Variants in PLXNC1 observed in about 807,000 individuals in gnomAD.
PLXNC1 encodes the protein plexin-C1.
PLXNC1 carries 75 observed loss-of-function variants against 178.2 expected under a neutral mutation model. The ratio of observed to expected loss-of-function variants is 0.42; its 90% CI spans 0.35 to 0.51. The LOEUF is 0.51. Among genes scored for constraint, PLXNC1 ranks in the 20% least tolerant of loss-of-function variants. The pLI, the probability that PLXNC1 is intolerant of heterozygous loss-of-function variation, is 0.02. For synonymous variants in PLXNC1, 790 were observed against 779.9 expected, an observed-to-expected ratio of 1.01 and a Z score of -0.22; for missense variants, 1,503 against 1,984.4, an observed-to-expected ratio of 0.76 and a Z score of 4.61.
chr12:94,229,607 T>C (rs1387173211), intron 9 of PLXNC1, among the ~76,000 whole-genome samples: 1 of 152,242 alleles, frequency 6.6e-6, no homozygotes, highest in Non-Finnish European at 1.5e-5. Flanking sequence ...CTTCATTCTT[T>C]TGCATGTGGA....
intron 17 of PLXNC1, among the ~76,000 whole-genome samples, chr12:94,258,779 GAC>G (rs1230962729): frequency 2.0e-5 from 3 of 152,218 alleles, no homozygotes; most frequent in African/African-American, 7.2e-5. Context: ...AGGCAAGTCA[GAC>G]ACAGAGAGGT....
Position 94,305,474 on chromosome 12 carries a change from T to TAC in PLXNC1, c.*190_*191dup. 1 of 544,312 alleles carries TAC rather than the reference T, an allele frequency of 1.8e-6. No homozygotes were observed. Among genetic ancestry groups the TAC allele is most frequent in the Admixed American group, 3.3e-5 (1 of 30,356 alleles). 33.7% of individuals were successfully genotyped at this position (544,312 alleles called of 1,614,324 possible). A position where few individuals can be genotyped will look rare whatever the true frequency, so the allele number is the denominator to read the frequency against. ...ATACCAACCCTTGTGCCTGTGTGTATACCGTGGGAACCCTTCTGTAAATAG... is the reference window on the plus strand; with the variant it reads ...ATACCAACCCTTGTGCCTGTGTGTATACACCGTGGGAACCCTTCTGTAAATAG... On this transcript the variant is annotated 3_prime_UTR_variant, in exon 31 of 31. Transcript: ENST00000258526.
intron 21 of PLXNC1, among the ~76,000 whole-genome samples, chr12:94,271,665 A>G (rs1001895108): frequency 1.3e-5 from 2 of 152,162 alleles, no homozygotes; most frequent in African/African-American, 4.8e-5. Flanking sequence ...GCCCTCGCAT[A>G]TTTGTGGTGA....
chr12:94,247,903 G>T lies in PLXNC1; in HGVS notation c.2389G>T (p.Val797Phe). 3 of 1,613,590 alleles carry T rather than the reference G, an allele frequency of 1.9e-6. No homozygotes were observed. Among genetic ancestry groups the T allele is most frequent in the Non-Finnish European group, 2.5e-6 (3 of 1,179,732 alleles). Residue 797 changes from valine to phenylalanine, a missense_variant and splice_region_variant, in exon 13 of 31, where the codon GTC becomes TTC. Val to Phe is a conservative substitution (Grantham distance 50). This residue lies in a region of PLXNC1 where 639 missense variants were observed against 979.7 expected (regional missense o/e 0.65). Transcript: ENST00000258526. Reference protein sequence around the residue: ...ISHELKGNINVSEYCVATYCG... With the variant: ...ISHELKGNINFSEYCVATYCG... Reference sequence around the variant, plus strand: ...AAAACATTCTTTTCTTTTTGTCCAGGTCTCTGAATATTGTGTGGCGACTTA... The same window carrying T: ...AAAACATTCTTTTCTTTTTGTCCAGTTCTCTGAATATTGTGTGGCGACTTA...
intron 27 of PLXNC1, 51 bp downstream of exon 27, chr12:94,298,846 T>TTAAC (rs1968186473): frequency 6.6e-7 from 1 of 1,524,484 alleles, no homozygotes. Flanking sequence ...GGACAGAATA[T>TTAAC]TAACTAAAAG....
chr12:94,272,805 G>A (rs1486523387), intron 21 of PLXNC1, among the ~76,000 whole-genome samples: 1 of 152,232 alleles, frequency 6.6e-6, no homozygotes. Context: ...TGGCACCGGA[G>A]GCACAGGGTG....
intron 21 of PLXNC1, among the ~76,000 whole-genome samples, chr12:94,276,276 C>T (rs927260856): frequency 9.9e-5 from 15 of 152,152 alleles, no homozygotes; most frequent in Non-Finnish European, 1.3e-4. Context: ...TGCAATTACC[C>T]GCCACCATGA....
chr12:94,224,085 T>A (rs1223153781), intron 6 of PLXNC1, 143 bp from the exon 7 acceptor site: 3 of 655,278 alleles, frequency 4.6e-6, no homozygotes, highest in Non-Finnish European at 5.6e-6. Flanking sequence ...AACCACATAC[T>A]GATTGAAATG....
intron 11 of PLXNC1, 143 bp downstream of exon 11, chr12:94,240,807 A>C (rs1964367056): frequency 4.5e-6 from 3 of 668,006 alleles, no homozygotes; most frequent in Non-Finnish European, 7.7e-6. Flanking sequence ...TACTCCTAGA[A>C]AAATGCATAC....
chr12:94,180,833 T>C (rs1025773553), intron 2 of PLXNC1, among the ~76,000 whole-genome samples: 1 of 152,222 alleles, frequency 6.6e-6, no homozygotes, highest in Non-Finnish European at 1.5e-5. Context: ...TGGCTTCCTA[T>C]AGGGCCAGAC....
chr12:94,203,014 T>C (rs1434254081), intron 4 of PLXNC1, among the ~76,000 whole-genome samples: 1 of 151,830 alleles, frequency 6.6e-6, no homozygotes, highest in Non-Finnish European at 1.5e-5. Context: ...GATGTGGAGG[T>C]TGATGAGAGG....
At chr12:94,153,060 G>A (rs1961017994) in intron 1 of PLXNC1, among the ~76,000 whole-genome samples, 1 of 152,202 alleles carries the variant, frequency 6.6e-6, no homozygotes, top group African/African-American at 2.4e-5. Context: ...TATTTGTACA[G>A]CACTTCCACA....
At position 94,282,351 on chromosome 12, in the gene PLXNC1, G is replaced by A. The variant is rs895914400; in HGVS notation, c.3829G>A (p.Val1277Met). Residue 1277 changes from valine to methionine, a missense_variant, in exon 23 of 31, where the codon GTG becomes ATG. Around this residue, in one of 4 missense-constraint regions of PLXNC1, gnomAD observed 639 missense variants for 979.7 expected, o/e 0.65. Coordinates refer to ENST00000258526, the MANE Select transcript of PLXNC1 (RefSeq NM_005761.3). Reference protein sequence around the residue: ...KELLDIDSSSVILEDGITKLN... With the variant: ...KELLDIDSSSMILEDGITKLN... ...ACTTCTGGACATCGACAGTTCCTCC[G>A]TGATTCTTGAAGATGGAATCACCAA... is the stretch of plus-strand genomic sequence containing the variant. The A allele has an allele frequency of 5.6e-6, 9 of 1,613,882 alleles. No homozygotes were observed. Among genetic ancestry groups the A allele is most frequent in the African/African-American group, 4.0e-5 (3 of 74,910 alleles).
intron 9 of PLXNC1, among the ~76,000 whole-genome samples, chr12:94,234,078 G>A (rs1036658614): frequency 6.6e-6 from 1 of 152,114 alleles, no homozygotes; most frequent in East Asian, 1.9e-4. Flanking sequence ...GTGAAAATCC[G>A]AGAGATGTTT....
chr12:94,169,758 G>C (rs1029585522), intron 2 of PLXNC1, among the ~76,000 whole-genome samples: 11 of 152,222 alleles, frequency 7.2e-5, no homozygotes, highest in African/African-American at 2.7e-4. Flanking sequence ...ACCACCCACA[G>C]AGGGGGTTTG....
chr12:94,197,437 T>TCTCTCTC (rs1555198027), intron 4 of PLXNC1, among the ~76,000 whole-genome samples: 53,229 of 148,378 alleles, frequency 0.36, 10,382 homozygotes, highest in East Asian at 0.52. Flanking sequence ...TTAGGCCCCT[T>TCTCTCTC]TCTCTCTCTC....
chr12:94,203,925 T>C (rs752115781), intron 4 of PLXNC1, among the ~76,000 whole-genome samples: 12 of 152,218 alleles, frequency 7.9e-5, no homozygotes, highest in Non-Finnish European at 1.5e-4. Flanking sequence ...ATGCCAATCA[T>C]AGAAGGGCTT....
chr12:94,252,424 C>T (rs1964721646), intron 15 of PLXNC1, among the ~76,000 whole-genome samples: 1 of 152,172 alleles, frequency 6.6e-6, no homozygotes, highest in Non-Finnish European at 1.5e-5. Flanking sequence ...GAATGAGGCC[C>T]TGTGTCTAAA....
chr12:94,279,920 A>G (rs1966309497), intron 22 of PLXNC1: 2 of 584,728 alleles, frequency 3.4e-6, no homozygotes. Flanking sequence ...GATTGATGAG[A>G]TTGCAGGCCC....
Sources: allele counts gnomAD v4.1 joint callset (sites outside exome capture counted in the v4.1 genomes callset), GRCh38; gene constraint gnomAD v4.1.1; regional missense constraint gnomAD v4.1.1; transcripts MANE v1.5; gene names NCBI Gene and HGNC (gene_info 2026-07-23, HGNC 2026-07-21).